Variants in PCDH9 observed in about 807,000 individuals in gnomAD.
PCDH9 encodes protocadherin-9.
Under a neutral mutation model 70.6 loss-of-function variants are expected in PCDH9, and 24 were observed. That is an observed-to-expected ratio of 0.34 (90% CI 0.25 to 0.48). The LOEUF (loss-of-function observed/expected upper bound fraction) is 0.48, where lower values mean the gene tolerates loss of function less well. Ranked by LOEUF, PCDH9 falls within the 20% of genes least tolerant of loss-of-function variation. PCDH9 has a pLI of 0.99. For missense variants in PCDH9, 1,281 were observed against 1,503.6 expected (o/e 0.85, Z 2.45); for synonymous variants, 562 against 558.5 (o/e 1.01, Z -0.09).
chr13:66,644,065 A>G (rs2077740443), intron 3 of PCDH9, among the ~76,000 whole-genome samples: 1 of 152,006 alleles, frequency 6.6e-6, no homozygotes, highest in African/African-American at 2.4e-5. Flanking sequence ...TATCAGAAAC[A>G]TATTATTGTA....
At chr13:66,945,656 C>T (rs1326200989) in intron 2 of PCDH9, among the ~76,000 whole-genome samples, 1 of 152,020 alleles carries the variant, frequency 6.6e-6, no homozygotes, top group Non-Finnish European at 1.5e-5. Flanking sequence ...CGCAGCCATG[C>T]TTTTGAGTAT....
At chr13:66,716,126 C>A (rs572813974) in intron 3 of PCDH9, among the ~76,000 whole-genome samples, 11 of 152,258 alleles carry the variant, frequency 7.2e-5, no homozygotes, top group African/African-American at 2.4e-4. Flanking sequence ...TAGGTTATAT[C>A]CCTGATTTCT....
At chr13:66,588,302 C>G (rs1036391357) in intron 4 of PCDH9, among the ~76,000 whole-genome samples, 1 of 151,936 alleles carries the variant, frequency 6.6e-6, no homozygotes, top group Non-Finnish European at 1.5e-5. Context: ...CAAAGGCCTT[C>G]TAATTTTTCT....
Position 66,482,079 on chromosome 13 carries a change from T to G in PCDH9, c.3340+149131A>C, listed in dbSNP as rs542721956. On this transcript the variant is annotated intron_variant, in intron 4 of 4. Transcript: ENST00000377865. ...TGGGTACCTTTCATCTATTTTCAGATAGAGGGTGAGTTTATTAGTGTGGGA... is the reference window on the plus strand; with the variant it reads ...TGGGTACCTTTCATCTATTTTCAGAGAGAGGGTGAGTTTATTAGTGTGGGA... Among the ~76,000 whole-genome samples the G allele has an allele frequency of 2.0e-5, 3 of 152,100 alleles. No individual in the cohort carries two copies. In the East Asian group the frequency reaches 5.8e-4, roughly 29 times the overall value.
intron 4 of PCDH9, among the ~76,000 whole-genome samples, chr13:66,588,513 T>C (rs536097547): frequency 1.1e-4 from 17 of 151,876 alleles, no homozygotes; most frequent in Non-Finnish European, 2.1e-4. Context: ...TATATATGTA[T>C]GTATATACAC....
At chr13:66,428,459 T>C (rs1361948051) in intron 4 of PCDH9, among the ~76,000 whole-genome samples, 4 of 151,766 alleles carry the variant, frequency 2.6e-5, no homozygotes, top group African/African-American at 9.7e-5. Flanking sequence ...TATAAAATTG[T>C]AGCATTTAGA....
intron 4 of PCDH9, among the ~76,000 whole-genome samples, chr13:66,615,955 C>T (rs2138884081): frequency 6.6e-6 from 1 of 152,258 alleles, no homozygotes; most frequent in South Asian, 2.1e-4. Flanking sequence ...TCTTTTGCAA[C>T]AGGACACAAC....
intron 4 of PCDH9, among the ~76,000 whole-genome samples, chr13:66,514,690 T>C (rs1959650124): frequency 6.6e-6 from 1 of 152,070 alleles, no homozygotes; most frequent in South Asian, 2.1e-4. Flanking sequence ...CATTGTCTTA[T>C]TTAGTAAGCA....
intron 2 of PCDH9, among the ~76,000 whole-genome samples, chr13:66,946,563 T>G (rs1311654978): frequency 2.0e-5 from 3 of 152,030 alleles, no homozygotes; most frequent in African/African-American, 7.2e-5. Context: ...TGGTACTAAA[T>G]ATTTGGTACT....
At chr13:67,159,914 A>AT (rs1393200847) in intron 2 of PCDH9, among the ~76,000 whole-genome samples, 9 of 145,988 alleles carry the variant, frequency 6.2e-5, no homozygotes, top group African/African-American at 2.2e-4. Context: ...TTTTCTTTCT[A>AT]TTATTTTTTT....
chr13:67,066,477 G>A lies in PCDH9; in HGVS notation c.3036+158928C>T, dbSNP rs2085650612. 2.0e-5 allele frequency among the ~76,000 whole-genome samples: 3 copies of A among 152,170 alleles called. No homozygotes were observed. In the South Asian group the frequency reaches 6.2e-4, roughly 32 times the overall value. On this transcript the variant is annotated intron_variant, in intron 2 of 4. Transcript: ENST00000377865. ...TCAAACTCCTGACCTCAGGTGATTT[G>A]CCCGCCTCAGCCTCCCAAAGTGCTG...
chr13:66,368,528 G>A (rs2138210385), intron 4 of PCDH9, among the ~76,000 whole-genome samples: 1 of 151,366 alleles, frequency 6.6e-6, no homozygotes, highest in Non-Finnish European at 1.5e-5. Context: ...TAAATATTAT[G>A]AATTTACATT....
In PCDH9 at chr13:67,175,301, A is replaced by C. The variant is rs905183884; in HGVS notation, c.3036+50104T>G. ...TTTTTGTAATCCCAGAAATAAAGGAAACTTACTTCGTTTCTACCCATCACA... is the reference window on the plus strand; with the variant it reads ...TTTTTGTAATCCCAGAAATAAAGGACACTTACTTCGTTTCTACCCATCACA... On this transcript the variant is annotated intron_variant, in intron 2 of 4. Transcript: ENST00000377865. Among the ~76,000 whole-genome samples, 4 of 152,292 alleles carry C rather than the reference A, an allele frequency of 2.6e-5. No individual in the cohort carries two copies. In the East Asian group the frequency reaches 7.7e-4, roughly 29 times the overall value.
At chr13:66,549,221 T>A (rs532043221) in intron 4 of PCDH9, among the ~76,000 whole-genome samples, 1 of 152,130 alleles carries the variant, frequency 6.6e-6, no homozygotes, top group Admixed American at 6.5e-5. Flanking sequence ...AAACCGTATG[T>A]ATATGTTAGC....
At chr13:66,722,366 C>A (rs1018796529) in intron 3 of PCDH9, among the ~76,000 whole-genome samples, 5 of 152,248 alleles carry the variant, frequency 3.3e-5, no homozygotes, top group Admixed American at 6.5e-5. Context: ...TGTACTGTAT[C>A]TCCATTTTAC....
At chr13:66,730,887 G>GTTTTTTTTTTTTTTTTT (rs1303010293) in intron 3 of PCDH9, among the ~76,000 whole-genome samples, 1 of 60,772 alleles carries the variant, frequency 1.6e-5, no homozygotes, top group African/African-American at 6.2e-5. Flanking sequence ...TTTTTTTTTT[G>GTTTTTTTTTTTTTTTTT]TTTGTTTCTT....
At chr13:66,614,925 A>G (rs1190086742) in intron 4 of PCDH9, among the ~76,000 whole-genome samples, 1 of 152,188 alleles carries the variant, frequency 6.6e-6, no homozygotes, top group East Asian at 1.9e-4. Flanking sequence ...ATTGGCTAGC[A>G]ACTTAGAACT....
At chr13:67,061,383 TTGTC>T (rs944383419) in intron 2 of PCDH9, among the ~76,000 whole-genome samples, 1 of 61,540 alleles carries the variant, frequency 1.6e-5, no homozygotes, top group Non-Finnish European at 4.0e-5. Flanking sequence ...GTCTGTCTGT[TTGTC>T]TGTCTCTCTC....
intron 4 of PCDH9, among the ~76,000 whole-genome samples, chr13:66,573,921 T>C (rs2076774285): frequency 6.6e-6 from 1 of 152,196 alleles, no homozygotes; most frequent in African/African-American, 2.4e-5. Flanking sequence ...TTTCTACCAA[T>C]ATTTTCCAGC....
Sources: allele counts gnomAD v4.1 joint callset (sites outside exome capture counted in the v4.1 genomes callset), GRCh38; gene constraint gnomAD v4.1.1; transcripts MANE v1.5; gene names NCBI Gene and HGNC (gene_info 2026-07-23, HGNC 2026-07-21).